Variants in CEP83 observed in about 807,000 individuals in gnomAD.
CEP83 encodes the protein centrosomal protein of 83 kDa.
CEP83 carries 70 observed loss-of-function variants against 101.9 expected under a neutral mutation model. The ratio of observed to expected loss-of-function variants is 0.69; its 90% CI spans 0.57 to 0.84. The LOEUF is 0.84. Among genes scored for constraint, CEP83 ranks in the 40% least tolerant of loss-of-function variants. The pLI, the probability that CEP83 is intolerant of heterozygous loss-of-function variation, is 0.00. For synonymous variants in CEP83, 264 were observed against 267.9 expected (o/e 0.99, Z 0.14); for missense variants, 715 against 787.2 (o/e 0.91, Z 1.10).
chr12:94,344,306 A>G (rs971446957), intron 11 of CEP83, among the ~76,000 whole-genome samples: 2 of 152,248 alleles, frequency 1.3e-5, no homozygotes, highest in Non-Finnish European at 2.9e-5. Flanking sequence ...CACGTAAAGC[A>G]GTGATGAGAA....
At chr12:94,328,234 T>C in intron 14 of CEP83, 5 of 302,484 alleles carry the variant, frequency 1.7e-5, no homozygotes, top group Non-Finnish European at 3.4e-5. Flanking sequence ...CTCTCTTCAA[T>C]GGGGGTGGGG....
chr12:94,422,499 C>T (rs2064836072), intron 2 of CEP83, among the ~76,000 whole-genome samples: 1 of 152,152 alleles, frequency 6.6e-6, no homozygotes, highest in Non-Finnish European at 1.5e-5. Flanking sequence ...TGGTTATATG[C>T]AGCACATGAA....
chr12:94,317,460 T>C (rs978232600), intron 14 of CEP83, among the ~76,000 whole-genome samples: 1 of 152,202 alleles, frequency 6.6e-6, no homozygotes, highest in African/African-American at 2.4e-5. Context: ...GTGATTGCTT[T>C]TGGCATCTTC....
chr12:94,346,734 C>T (rs966897368), intron 11 of CEP83, among the ~76,000 whole-genome samples: 1 of 152,188 alleles, frequency 6.6e-6, no homozygotes, highest in Non-Finnish European at 1.5e-5. Flanking sequence ...CACTGCAGAA[C>T]TGAATGCTTG....
At chr12:94,318,130 T>A (rs1268354095) in intron 14 of CEP83, among the ~76,000 whole-genome samples, 3 of 151,940 alleles carry the variant, frequency 2.0e-5, no homozygotes, top group Non-Finnish European at 2.9e-5. Flanking sequence ...ATTGTAGAGA[T>A]CATTCACCCA....
At chr12:94,312,262 A>G (rs1969980480) in intron 15 of CEP83, among the ~76,000 whole-genome samples, 1 of 152,232 alleles carries the variant, frequency 6.6e-6, no homozygotes, top group African/African-American at 2.4e-5. Flanking sequence ...CCTGTTGGTA[A>G]TAATTGCACC....
intron 7 of CEP83, among the ~76,000 whole-genome samples, chr12:94,377,384 T>C (rs1397208769): frequency 6.6e-6 from 1 of 151,934 alleles, no homozygotes; most frequent in Non-Finnish European, 1.5e-5. Flanking sequence ...CAGGAAAAGA[T>C]CAAAATTCAA....
intron 6 of CEP83, among the ~76,000 whole-genome samples, chr12:94,388,302 T>C (rs2062283491): frequency 6.6e-6 from 1 of 152,148 alleles, no homozygotes; most frequent in Non-Finnish European, 1.5e-5. Flanking sequence ...CTGGAGACTA[T>C]CATCCAAAGC....
At chr12:94,411,024 T>C (rs910012387) in intron 4 of CEP83, among the ~76,000 whole-genome samples, 2 of 152,138 alleles carry the variant, frequency 1.3e-5, no homozygotes, top group Non-Finnish European at 2.9e-5. Flanking sequence ...AATCAGATTG[T>C]TAGGCAGAAA....
intron 13 of CEP83, among the ~76,000 whole-genome samples, 156 bp downstream of exon 13, chr12:94,333,326 T>C (rs1412400252): frequency 6.6e-6 from 1 of 152,184 alleles, no homozygotes; most frequent in Non-Finnish European, 1.5e-5. Flanking sequence ...TATAAAAACA[T>C]AAAGTACATT....
chr12:94,427,838 T>A (rs985713036), intron 2 of CEP83, among the ~76,000 whole-genome samples: 1 of 152,176 alleles, frequency 6.6e-6, no homozygotes, highest in Non-Finnish European at 1.5e-5. Context: ...CCAGAGATAA[T>A]CCTGCACTAG....
intron 11 of CEP83, among the ~76,000 whole-genome samples, chr12:94,360,278 C>T (rs918204642): frequency 6.6e-6 from 1 of 151,892 alleles, no homozygotes; most frequent in East Asian, 1.9e-4. Context: ...TCAGCCAAAG[C>T]AATTAGGCAT....
intron 16 of CEP83, among the ~76,000 whole-genome samples, chr12:94,309,158 G>T (rs1565884980): frequency 6.6e-6 from 1 of 152,116 alleles, no homozygotes; most frequent in Non-Finnish European, 1.5e-5. Context: ...AAATTCACCA[G>T]GGAGTGAATT....
Position 94,335,741 on chromosome 12 carries a change from T to C in CEP83, c.1344-77A>G. ...ATTTCACTGAATTAAAGAGTCATTTTATTGAATGCCTGTTTGACACCAGAG... is the reference window on the plus strand; with the variant it reads ...ATTTCACTGAATTAAAGAGTCATTTCATTGAATGCCTGTTTGACACCAGAG... On this transcript the variant is annotated intron_variant, in intron 11 of 16. Transcript: ENST00000397809. The C allele has an allele frequency of 8.7e-6, 8 of 921,508 alleles. No homozygotes were observed. The South Asian group carries it at 1.2e-4, about 14-fold the overall frequency. The allele number at this position is 921,508 out of a possible 1,614,324, so 57.1% of individuals were successfully genotyped here.
intron 2 of CEP83, among the ~76,000 whole-genome samples, chr12:94,416,559 C>T (rs2064281385): frequency 9.3e-6 from 1 of 107,644 alleles, no homozygotes. Context: ...CATACACACA[C>T]ACACACACAC....
intron 7 of CEP83, among the ~76,000 whole-genome samples, chr12:94,377,436 C>A (rs1029988618): frequency 6.6e-6 from 1 of 151,938 alleles, no homozygotes; most frequent in African/African-American, 2.4e-5. Flanking sequence ...ATCGGACAGT[C>A]AAAAAATAGT....
intron 1 of CEP83, among the ~76,000 whole-genome samples, chr12:94,440,755 AG>A (rs1594083050): frequency 1.3e-5 from 2 of 152,204 alleles, no homozygotes; most frequent in Non-Finnish European, 2.9e-5. Context: ...ACAGATCTGG[AG>A]GTATCACATT....
At chr12:94,396,913 T>C (rs538222725) in intron 6 of CEP83, among the ~76,000 whole-genome samples, 2 of 152,384 alleles carry the variant, frequency 1.3e-5, no homozygotes, top group Non-Finnish European at 2.9e-5. Flanking sequence ...TTTGAAGTTT[T>C]CAAACTAAAT....
intron 1 of CEP83, among the ~76,000 whole-genome samples, chr12:94,448,522 C>G (rs961141345): frequency 2.0e-5 from 3 of 151,928 alleles, no homozygotes; most frequent in Non-Finnish European, 4.4e-5. Context: ...CAGGATACAC[C>G]ACATACTGGG....
Sources: allele counts gnomAD v4.1 joint callset (sites outside exome capture counted in the v4.1 genomes callset), GRCh38; gene constraint gnomAD v4.1.1; transcripts MANE v1.5; gene names NCBI Gene and HGNC (gene_info 2026-07-23, HGNC 2026-07-21).